The following MAB21L3 variants were observed in gnomAD, a reference collection of about 807,000 sequenced individuals.
MAB21L3 encodes the protein mab-21 like 3.
In MAB21L3, 36 loss-of-function variants were observed where a neutral mutation model predicts 37.7. The observed-to-expected ratio is 0.96, with a 90% CI of 0.73 to 1.26. The LOEUF (loss-of-function observed/expected upper bound fraction) is 1.26, where lower values mean the gene tolerates loss of function less well. Among genes scored for constraint, MAB21L3 ranks in the 50% most tolerant of loss-of-function variants. The pLI, the probability that MAB21L3 is intolerant of heterozygous loss-of-function variation, is 0.00. For missense variants in MAB21L3, 430 were observed against 447.3 expected (o/e 0.96, Z 0.35); for synonymous variants, 186 against 176.8 (o/e 1.05, Z -0.41).
In MAB21L3 at chr1:116,133,326, G is replaced by A. The variant is rs1240002616; in HGVS notation, c.1050G>A (p.Leu350=). Residue 350 remains leucine (L), a synonymous_variant, in exon 8 of 8, where the codon CTG becomes CTA. Transcript: ENST00000369500. ...AACTGGACACTGTGGCCCAAAAGCT[G>A]GCCACCTTCCTGAAGAACCCCCAGA... The part of the protein sequence containing the change: ...PTELDTVAQK[L]ATFLKNPQIG... The A allele has an allele frequency of 2.5e-6, 4 of 1,614,184 alleles. No individual in the cohort carries two copies. The highest frequency in any genetic ancestry group is 4.5e-5 in the East Asian group (2 of 44,870).
rs1395499741 is a variant in MAB21L3, at chr1:116,124,049, T to C, written c.190-17T>C. The C allele has an allele frequency of 6.3e-7, 1 of 1,577,420 alleles. No homozygotes were observed. Among genetic ancestry groups the C allele is most frequent in the African/African-American group, 1.4e-5 (1 of 73,548 alleles). ...TCTGTGAATTCATGCTTGTTTTCAA[T>C]CCTTTCCTGACCCTAGGTTTTGGCT... On this transcript the variant is annotated splice_polypyrimidine_tract_variant and intron_variant, in intron 4 of 7. Transcript: ENST00000369500.
intron 7 of MAB21L3, among the ~76,000 whole-genome samples, 164 bp downstream of exon 7, chr1:116,128,503 C>T (rs760670090): frequency 5.9e-5 from 9 of 152,116 alleles, no homozygotes; most frequent in African/African-American, 7.2e-5. Context: ...CAAATTACTA[C>T]GTATTATGGA....
intron 4 of MAB21L3, 141 bp from the exon 5 acceptor site, chr1:116,123,925 G>A (rs1395502774): frequency 6.7e-6 from 5 of 749,022 alleles, no homozygotes; most frequent in African/African-American, 5.3e-5. Context: ...CACCCAGGTC[G>A]AGGTCTCCGT....
intron 2 of MAB21L3, among the ~76,000 whole-genome samples, chr1:116,112,140 G>C (rs1659439254): frequency 6.6e-6 from 1 of 152,132 alleles, no homozygotes; most frequent in East Asian, 1.9e-4. Context: ...ACTGTCAACA[G>C]GATAAGGACC....
chr1:116,128,114 T>G (rs1372930125), intron 6 of MAB21L3, 31 bp from the exon 7 acceptor site: 7 of 1,593,742 alleles, frequency 4.4e-6, no homozygotes, highest in Non-Finnish European at 1.7e-6. Flanking sequence ...ATTGTTCTTC[T>G]TATTTCCCAA....
intron 3 of MAB21L3, among the ~76,000 whole-genome samples, chr1:116,115,424 A>G (rs1659562331): frequency 6.6e-6 from 1 of 152,228 alleles, no homozygotes; most frequent in Admixed American, 6.5e-5. Flanking sequence ...CCCCTGAAAG[A>G]CAGAGATGAT....
At chr1:116,126,604 G>A (rs530698126) in intron 5 of MAB21L3, among the ~76,000 whole-genome samples, 1 of 152,096 alleles carries the variant, frequency 6.6e-6, no homozygotes, top group African/African-American at 2.4e-5. Flanking sequence ...TAAATAAGGA[G>A]GCTGATGCTG....
intron 7 of MAB21L3, among the ~76,000 whole-genome samples, chr1:116,128,847 C>T (rs1225832599): frequency 6.6e-6 from 1 of 152,226 alleles, no homozygotes; most frequent in East Asian, 1.9e-4. Context: ...TTACCACACA[C>T]GTAGTGCCAC....
intron 3 of MAB21L3, among the ~76,000 whole-genome samples, chr1:116,114,974 C>A (rs1359052491): frequency 6.6e-6 from 1 of 152,198 alleles, no homozygotes; most frequent in African/African-American, 2.4e-5. Context: ...AGGTGTATTT[C>A]ATTCCCAGTC....
In MAB21L3 at chr1:116,136,253, TTAAGCTGA is replaced by T. The variant is rs1660195701; in HGVS notation, c.*2894_*2901del. On this transcript the variant is annotated 3_prime_UTR_variant, in exon 8 of 8. Transcript: ENST00000369500. ...CCCATTGTCTCAGCCCAAAATCTCC[TTAAGCTGA>T]TAAGCAACTTCAGCAAAGTCTCAGG... is the stretch of plus-strand genomic sequence containing the variant. Among the ~76,000 whole-genome samples the T allele has an allele frequency of 6.6e-6, 1 of 151,988 alleles. No homozygotes were observed. The highest frequency in any genetic ancestry group is 1.5e-5 in the Non-Finnish European group (1 of 67,938).
intron 3 of MAB21L3, among the ~76,000 whole-genome samples, chr1:116,117,479 C>T (rs1039786533): frequency 1.3e-5 from 2 of 152,108 alleles, no homozygotes; most frequent in Admixed American, 6.6e-5. Flanking sequence ...TAGCCCACTG[C>T]TGAAACCCTC....
In MAB21L3 at chr1:116,137,463, A is replaced by C. The variant is rs1384764804; in HGVS notation, c.*4098A>C. Among the ~76,000 whole-genome samples, 7 of 143,598 alleles carry C rather than the reference A, an allele frequency of 4.9e-5. No individual in the cohort carries two copies. The East Asian group carries it at 1.4e-3, about 28-fold the overall frequency. 94.2% of individuals were successfully genotyped at this position (143,598 alleles called of 152,430 possible). On this transcript the variant is annotated 3_prime_UTR_variant, in exon 8 of 8. Coordinates refer to ENST00000369500, the MANE Select transcript of MAB21L3 (RefSeq NM_152367.3). ...CCAGTTAGAATGGCAATCATTAAAAAGTCAGGAAACAACAGGTGCTGGAGA... is the reference window on the plus strand; with the variant it reads ...CCAGTTAGAATGGCAATCATTAAAACGTCAGGAAACAACAGGTGCTGGAGA...
intron 2 of MAB21L3, 129 bp from the exon 3 acceptor site, chr1:116,112,278 C>A (rs1659442435): frequency 4.3e-6 from 1 of 232,154 alleles, no homozygotes; most frequent in Admixed American, 5.0e-5. Context: ...GTGGGAAATA[C>A]AATTTGGAAA....
chr1:116,129,714 G>A (rs1385336445), intron 7 of MAB21L3, among the ~76,000 whole-genome samples: 1 of 152,214 alleles, frequency 6.6e-6, no homozygotes, highest in Non-Finnish European at 1.5e-5. Context: ...CCAATGCTTT[G>A]TACATAGTAG....
Position 116,112,425 on chromosome 1 carries a change from C to T in MAB21L3, c.-191C>T, listed in dbSNP as rs1383072362. The T allele has an allele frequency of 1.8e-5, 8 of 454,876 alleles. No individual in the cohort carries two copies. Among genetic ancestry groups the T allele is most frequent in the Admixed American group, 3.4e-5 (1 of 29,200 alleles). 28.2% of individuals were successfully genotyped at this position (454,876 alleles called of 1,614,324 possible). ...CCAAAAGATGACAGATGGATTTTCA[C>T]AATTTGGAAATAAAAACATGAGTGA... On this transcript the variant is annotated 5_prime_UTR_variant, in exon 3 of 8. It introduces an in-frame stop codon into an upstream open reading frame of the 5' UTR. Transcript: ENST00000369500.
intron 4 of MAB21L3, among the ~76,000 whole-genome samples, chr1:116,122,182 G>A (rs1146363): frequency 0.043 from 6,596 of 152,232 alleles, 374 homozygotes; most frequent in African/African-American, 0.13. Context: ...GGTGGACGCA[G>A]GAACCACCTA....
rs149580249 is a variant in MAB21L3, at chr1:116,124,181, G to A, written c.305G>A (p.Cys102Tyr). Residue 102 changes from cysteine to tyrosine, a missense_variant, in exon 5 of 8, where the codon TGC becomes TAC. Coordinates refer to ENST00000369500, the MANE Select transcript of MAB21L3 (RefSeq NM_152367.3). Reference protein sequence around the residue: ...YYTLQGTRLPCPLRDPEGLQQ... With the variant: ...YYTLQGTRLPYPLRDPEGLQQ... ...ACACTGCAGGGCACCAGGCTGCCCT[G>A]CCCGTTGCGGGACCCTGAGGGTCTG... The A allele has an allele frequency of 2.0e-5, 33 of 1,614,106 alleles. No homozygotes were observed. In the Middle Eastern group the frequency reaches 4.9e-4, roughly 24 times the overall value.
At chr1:116,126,591 G>T (rs1203715623) in intron 5 of MAB21L3, among the ~76,000 whole-genome samples, 1 of 152,158 alleles carries the variant, frequency 6.6e-6, no homozygotes, top group African/African-American at 2.4e-5. Context: ...AAAGGCATAT[G>T]CATAAATAAG....
intron 4 of MAB21L3, among the ~76,000 whole-genome samples, chr1:116,121,820 T>G (rs1240740659): frequency 6.6e-6 from 1 of 152,240 alleles, no homozygotes; most frequent in African/African-American, 2.4e-5. Flanking sequence ...TACTTAAACC[T>G]GTAAACCACC....
Sources: allele counts gnomAD v4.1 joint callset (sites outside exome capture counted in the v4.1 genomes callset), GRCh38; gene constraint gnomAD v4.1.1; transcripts MANE v1.5; gene names NCBI Gene and HGNC (gene_info 2026-07-23, HGNC 2026-07-21).